The following CHRNA2 variants were observed in gnomAD, a reference collection of about 807,000 sequenced individuals.
CHRNA2 encodes the protein neuronal acetylcholine receptor subunit alpha-2.
Under a neutral mutation model 45.5 loss-of-function variants are expected in CHRNA2, and 40 were observed. The ratio of observed to expected loss-of-function variants is 0.88; its 90% confidence interval spans 0.68 to 1.15. CHRNA2 has a LOEUF of 1.15. Ranked by LOEUF, CHRNA2 falls within the 50% of genes most tolerant of loss-of-function variation. CHRNA2 has a pLI of 0.00. For synonymous variants in CHRNA2, 301 were observed against 296.7 expected, an observed-to-expected ratio of 1.01 and a Z score of -0.15; for missense variants, 655 against 701.7, an observed-to-expected ratio of 0.93 and a Z score of 0.75.
intron 5 of CHRNA2, among the ~76,000 whole-genome samples, chr8:27,466,638 C>A (rs570690310): frequency 6.6e-6 from 1 of 152,286 alleles, no homozygotes; most frequent in Admixed American, 6.5e-5. Flanking sequence ...TGTCTGATAC[C>A]AAACACAGAA....
Position 27,461,612 on chromosome 8 carries a change from G to A in CHRNA2, c.*17C>T. 6.2e-7 allele frequency: 1 copy of A among 1,614,148 alleles called. No homozygotes were observed. Among genetic ancestry groups the A allele is most frequent in the Non-Finnish European group, 8.5e-7 (1 of 1,179,980 alleles). On this transcript the variant is annotated 3_prime_UTR_variant, in exon 7 of 7. Transcript: ENST00000407991. ...GTCAGCGGGGGTGCCCTGGGAGCCA[G>A]CTCGAGGGAGGTGCAGTCAGATCAT...
intron 1 of CHRNA2, among the ~76,000 whole-genome samples, chr8:27,473,195 G>C (rs947207331): frequency 6.6e-6 from 1 of 152,016 alleles, no homozygotes; most frequent in African/African-American, 2.4e-5. Context: ...GGGACACATC[G>C]TGTATGTGGC....
At chr8:27,475,181 C>G (rs1204363512) in intron 1 of CHRNA2, 1 of 152,052 alleles carries the variant, frequency 6.6e-6, no homozygotes, top group Non-Finnish European at 1.5e-5. Flanking sequence ...TTTTACAAGC[C>G]CTCCCCTCAT....
intron 1 of CHRNA2, among the ~76,000 whole-genome samples, chr8:27,477,715 C>G (rs1260911676): frequency 6.6e-6 from 1 of 152,092 alleles, no homozygotes; most frequent in Non-Finnish European, 1.5e-5. Flanking sequence ...AAGAGCTGCA[C>G]ACTTTGACCC....
At chr8:27,475,077 A>G (rs1323602384) in intron 1 of CHRNA2, 1 of 152,162 alleles carries the variant, frequency 6.6e-6, no homozygotes, top group Admixed American at 6.5e-5. Context: ...TCTTTTTGAC[A>G]GTTTTCTGCA....
In CHRNA2 at chr8:27,463,126, G is replaced by T; in HGVS notation, c.1317C>A (p.His439Gln). The T allele has an allele frequency of 6.2e-7, 1 of 1,607,440 alleles. No individual in the cohort carries two copies. Among genetic ancestry groups the T allele is most frequent in the South Asian group, 1.1e-5 (1 of 90,922 alleles). The part of the protein sequence containing the change: ...VAPSVGTLCS[H>Q]GHLHSGASGP... ...CTGAGGCCCCAGAGTGCAGGTGGCC[G>T]TGGCTGCAGAGGGTGCCCACAGAGG... The change falls in exon 6 of 7, where the codon CAC (histidine) becomes CAA (glutamine). Residue 439 changes from histidine (H) to glutamine (Q), a missense_variant. By Grantham distance (24) the His-to-Gln change is conservative. Around this residue, in one of 3 missense-constraint regions of CHRNA2, gnomAD observed 295 missense variants for 280.4 expected, o/e 1.05. Transcript: ENST00000407991. The surrounding 1 kb of genome is among the most constrained non-coding windows in gnomAD (Gnocchi z 6.1).
At chr8:27,468,989 C>T (rs1046888888) in intron 4 of CHRNA2, among the ~76,000 whole-genome samples, 1 of 152,220 alleles carries the variant, frequency 6.6e-6, no homozygotes, top group East Asian at 1.9e-4. Flanking sequence ...CTCTCTGCTT[C>T]GTGATCTCCT....
chr8:27,469,887 G>C lies in CHRNA2; in HGVS notation c.168C>G (p.Thr56=). 6.2e-7 allele frequency: 1 copy of C among 1,614,186 alleles called. No homozygotes were observed. Among genetic ancestry groups the C allele is most frequent in the Non-Finnish European group, 8.5e-7 (1 of 1,180,042 alleles). ...GTTTGAAGAGCCGGTCCTCAGTCTCGGTATGCGAGCCTCCCTGCGGCAATG... is the reference window on the plus strand; with the variant it reads ...GTTTGAAGAGCCGGTCCTCAGTCTCCGTATGCGAGCCTCCCTGCGGCAATG... ...PTALPQGGSH[T]ETEDRLFKHL... The change falls in exon 3 of 7, where the codon ACC becomes ACG. Residue 56 remains threonine, a synonymous_variant. Transcript: ENST00000407991.
Position 27,463,512 on chromosome 8 carries a change from G to C in CHRNA2, c.931C>G (p.Leu311Val), listed in dbSNP as rs1365047872. The C allele has an allele frequency of 1.9e-6, 3 of 1,614,086 alleles. No individual in the cohort carries two copies. The highest frequency in any genetic ancestry group is 2.5e-6 in the Non-Finnish European group (3 of 1,180,050). Residue 311 changes from leucine to valine, a missense_variant, in exon 6 of 7, where the codon CTG becomes GTG. Coordinates refer to ENST00000407991, the MANE Select transcript of CHRNA2 (RefSeq NM_000742.4). This position sits in a 1 kb window ranked among gnomAD's most constrained non-coding sequence, Gnocchi z 6.1. ...ISVLLSLTVF[L>V]LLITEIIPST... ...GGGATGATCTCAGTGATGAGCAGCA[G>C]GAAGACGGTGAGTGACAGCAGCACC...
At position 27,469,985 on chromosome 8, in the gene CHRNA2, C is replaced by T; in HGVS notation, c.74-4G>A. The T allele has an allele frequency of 6.2e-7, 1 of 1,612,492 alleles. No homozygotes were observed. On this transcript the variant is annotated splice_polypyrimidine_tract_variant and splice_region_variant and intron_variant, in intron 2 of 6. Transcript: ENST00000407991. ...GGGCGCTTAGCTTCCTCTCCACCTG[C>T]CATCAAATCAGAGCCACTCAGCCTC...
intron 6 of CHRNA2, among the ~76,000 whole-genome samples, chr8:27,462,564 C>A (rs1812529229): frequency 6.6e-6 from 1 of 152,188 alleles, no homozygotes; most frequent in Non-Finnish European, 1.5e-5. Context: ...GAGGAAGAGA[C>A]CATCCAAGAC....
chr8:27,472,389 C>G (rs1401515823), intron 1 of CHRNA2, among the ~76,000 whole-genome samples: 1 of 152,164 alleles, frequency 6.6e-6, no homozygotes, highest in African/African-American at 2.4e-5. Context: ...GAGCTGTCTC[C>G]AGATGGATGG....
In CHRNA2 at chr8:27,463,601, C is replaced by T; in HGVS notation, c.842G>A (p.Cys281Tyr). 6.2e-7 allele frequency: 1 copy of T among 1,614,144 alleles called. No individual in the cohort carries two copies. The highest frequency in any genetic ancestry group is 8.5e-7 in the Non-Finnish European group (1 of 1,180,032). ...CAGGTAGAAGACCAGCACAGTGAGG[C>T]AGGAGATGAGCAGGCAGGGGATGAT... is the stretch of plus-strand genomic sequence containing the variant. Reference protein sequence around the residue: ...NLIIPCLLISCLTVLVFYLPS... With the variant: ...NLIIPCLLISYLTVLVFYLPS... Residue 281 changes from cysteine to tyrosine, a missense_variant, in exon 6 of 7, where the codon TGC becomes TAC. Coordinates refer to ENST00000407991, the MANE Select transcript of CHRNA2 (RefSeq NM_000742.4). The surrounding 1 kb of genome is among the most constrained non-coding windows in gnomAD (Gnocchi z 6.1).
intron 5 of CHRNA2, among the ~76,000 whole-genome samples, chr8:27,465,315 G>A (rs1371559068): frequency 6.6e-6 from 1 of 152,152 alleles, no homozygotes; most frequent in Non-Finnish European, 1.5e-5. Flanking sequence ...CAAGAAATCA[G>A]AAGAGTACTT....
chr8:27,470,962 C>A, intron 2 of CHRNA2, 24 bp downstream of exon 2: 1 of 1,612,238 alleles, frequency 6.2e-7, no homozygotes, highest in East Asian at 2.2e-5. Flanking sequence ...TGAAGTCTTA[C>A]AATGACAGGT....
chr8:27,479,257 CACACACAT>C (rs1243467498), exon 1 of CHRNA2: 268 of 149,470 alleles, frequency 1.8e-3, no homozygotes, highest in Middle Eastern at 3.4e-3. Context: ...CTCACACACA[CACACACAT>C]ACACACACAC....
intron 6 of CHRNA2, 102 bp from the exon 7 acceptor site, chr8:27,461,856 A>G (rs796339838): frequency 6.6e-7 from 1 of 1,524,304 alleles, no homozygotes; most frequent in African/African-American, 1.4e-5. Flanking sequence ...GGGCAGCAGC[A>G]ACTGCCCCAC....
chr8:27,464,114 G>A, intron 5 of CHRNA2, 121 bp from the exon 6 acceptor site: 1 of 1,110,922 alleles, frequency 9.0e-7, no homozygotes, highest in South Asian at 1.3e-5. Flanking sequence ...CACTGGCGGG[G>A]TTTATTTATG....
intron 1 of CHRNA2, among the ~76,000 whole-genome samples, chr8:27,473,528 C>G (rs545556153): frequency 5.0e-5 from 6 of 119,678 alleles, no homozygotes; most frequent in African/African-American, 9.5e-5. Context: ...AGTGAGACCC[C>G]CCCCGCCGTC....
Sources: allele counts gnomAD v4.1 joint callset (sites outside exome capture counted in the v4.1 genomes callset), GRCh38; gene constraint gnomAD v4.1.1; regional missense constraint gnomAD v4.1.1; non-coding constraint Gnocchi (gnomAD v3.1); transcripts MANE v1.5; gene names NCBI Gene and HGNC (gene_info 2026-07-23, HGNC 2026-07-21).